The following CSMD2 variants were observed in gnomAD, a reference collection of about 807,000 sequenced individuals.
The protein encoded by CSMD2 is CUB and Sushi multiple domains 2.
In CSMD2, 130 loss-of-function variants were observed where a neutral mutation model predicts 398.5. The ratio of observed to expected loss-of-function variants is 0.33; its 90% CI spans 0.28 to 0.38. CSMD2 has a LOEUF of 0.38. Ranked by LOEUF, CSMD2 falls within the 10% of genes least tolerant of loss-of-function variation. The pLI is 1.00. For missense variants in CSMD2, 3,829 were observed against 4,764.9 expected (o/e 0.80, Z 5.78); for synonymous variants, 1,828 against 1,908.5 (o/e 0.96, Z 1.10).
At chr1:33,889,993 A>G (rs1641880234) in intron 5 of CSMD2, among the ~76,000 whole-genome samples, 1 of 152,022 alleles carries the variant, frequency 6.6e-6, no homozygotes, top group South Asian at 2.1e-4. Context: ...ATACACACAC[A>G]CTCACACAAT....
chr1:33,715,262 A>G (rs1408059529), intron 20 of CSMD2, among the ~76,000 whole-genome samples: 3 of 152,086 alleles, frequency 2.0e-5, no homozygotes, highest in Non-Finnish European at 4.4e-5. Context: ...GTCAGAATAC[A>G]TGACTTAGCC....
chr1:33,836,270 C>T (rs1660249864), intron 6 of CSMD2, among the ~76,000 whole-genome samples: 1 of 152,190 alleles, frequency 6.6e-6, no homozygotes, highest in Admixed American at 6.5e-5. Context: ...TCAGTCTGCC[C>T]CTACTGGGGG....
intron 1 of CSMD2, among the ~76,000 whole-genome samples, chr1:34,121,267 G>T (rs1036063504): frequency 6.6e-6 from 1 of 152,212 alleles, no homozygotes; most frequent in Non-Finnish European, 1.5e-5. Context: ...GACTAGGAAG[G>T]ACAGATGTCT....
intron 22 of CSMD2, among the ~76,000 whole-genome samples, chr1:33,702,527 C>T (rs904421740): frequency 1.3e-5 from 2 of 152,062 alleles, no homozygotes; most frequent in African/African-American, 4.8e-5. Context: ...GGTAAGTGTC[C>T]TTCTAGCCTT....
intron 24 of CSMD2, among the ~76,000 whole-genome samples, chr1:33,694,475 A>T (rs907089657): frequency 3.9e-5 from 6 of 152,098 alleles, no homozygotes; most frequent in African/African-American, 1.2e-4. Flanking sequence ...TTTTCCCCAT[A>T]CTGTTCTCAT....
At chr1:33,792,582 A>G in intron 10 of CSMD2, 56 bp from the exon 11 acceptor site, 1 of 1,168,456 alleles carries the variant, frequency 8.6e-7, no homozygotes, top group Non-Finnish European at 1.3e-6. Context: ...AGCCTTCCAA[A>G]GCCTTGAGGG....
chr1:34,141,978 G>A (rs116120693), intron 1 of CSMD2, among the ~76,000 whole-genome samples: 242 of 152,204 alleles, frequency 1.6e-3, no homozygotes, highest in African/African-American at 5.7e-3. Flanking sequence ...AGGTATCAAG[G>A]GTGACCACCA....
At chr1:33,608,911 C>T (rs1270428818) in intron 41 of CSMD2, among the ~76,000 whole-genome samples, 1 of 152,306 alleles carries the variant, frequency 6.6e-6, no homozygotes, top group East Asian at 1.9e-4. Context: ...AACTAAGACA[C>T]AGGAAAGCCT....
At chr1:33,825,579 A>T in intron 7 of CSMD2, 118 bp downstream of exon 7, 1 of 901,636 alleles carries the variant, frequency 1.1e-6, no homozygotes, top group East Asian at 2.6e-5. Flanking sequence ...CCCAGGATGG[A>T]GGAAGCAGGG....
intron 12 of CSMD2, among the ~76,000 whole-genome samples, chr1:33,783,761 C>A (rs879733327): frequency 1.3e-5 from 2 of 152,038 alleles, no homozygotes; most frequent in African/African-American, 2.4e-5. Flanking sequence ...GTGCTCTGTG[C>A]CCCCCAAAAA....
chr1:33,898,369 A>G (rs1396271530), intron 5 of CSMD2, among the ~76,000 whole-genome samples: 1 of 152,208 alleles, frequency 6.6e-6, no homozygotes, highest in Non-Finnish European at 1.5e-5. Flanking sequence ...TTAGACAAAA[A>G]CACAACCCCC....
At chr1:33,792,334 TC>T (rs1654420792) in intron 11 of CSMD2, 88 bp downstream of exon 11, 1 of 845,238 alleles carries the variant, frequency 1.2e-6, no homozygotes, top group Admixed American at 1.7e-5. Flanking sequence ...TGTAGTATGG[TC>T]TAGGGACCAG....
chr1:33,944,363 T>C (rs1027250900), intron 3 of CSMD2, among the ~76,000 whole-genome samples: 11 of 152,130 alleles, frequency 7.2e-5, no homozygotes, highest in African/African-American at 2.7e-4. Flanking sequence ...TAGCAGGTAC[T>C]GGAAGAGACA....
intron 2 of CSMD2, among the ~76,000 whole-genome samples, chr1:34,063,617 AG>A (rs1654772374): frequency 6.6e-6 from 1 of 152,164 alleles, no homozygotes; most frequent in African/African-American, 2.4e-5. Context: ...GTGGCTTTGC[AG>A]GGTATAGCCC....
At chr1:33,765,030 T>C (rs1362750182) in intron 13 of CSMD2, among the ~76,000 whole-genome samples, 1 of 152,200 alleles carries the variant, frequency 6.6e-6, no homozygotes, top group African/African-American at 2.4e-5. Flanking sequence ...GCATGTGACC[T>C]ATATGAAGAA....
chr1:33,783,431 TTCTCTCTCTCTCTCTCTCTCTC>T (rs55769634), intron 12 of CSMD2, among the ~76,000 whole-genome samples: 14 of 135,150 alleles, frequency 1.0e-4, no homozygotes, highest in African/African-American at 3.2e-4. Context: ...CATTCTCTCA[TTCTCTCTCTCTCTCTCTCTCTC>T]TCTCTCTCTC....
intron 13 of CSMD2, among the ~76,000 whole-genome samples, chr1:33,759,523 C>T (rs965674891): frequency 6.6e-6 from 1 of 151,934 alleles, no homozygotes; most frequent in Non-Finnish European, 1.5e-5. Context: ...GATGGGGTTT[C>T]ACGGTGTTAG....
At chr1:33,969,248 T>G (rs187055312) in intron 3 of CSMD2, among the ~76,000 whole-genome samples, 1 of 152,372 alleles carries the variant, frequency 6.6e-6, no homozygotes, top group Non-Finnish European at 1.5e-5. Flanking sequence ...AAAGGAACAA[T>G]GTAAAATATT....
At chr1:33,896,744 G>A (rs953078326) in intron 5 of CSMD2, among the ~76,000 whole-genome samples, 5 of 152,188 alleles carry the variant, frequency 3.3e-5, no homozygotes, top group Non-Finnish European at 7.3e-5. Flanking sequence ...CTGACTGGGA[G>A]GAGGCATCTG....
Sources: allele counts gnomAD v4.1 joint callset (sites outside exome capture counted in the v4.1 genomes callset), GRCh38; gene constraint gnomAD v4.1.1; transcripts MANE v1.5; gene names NCBI Gene and HGNC (gene_info 2026-07-23, HGNC 2026-07-21).